The following NSUN6 variants were observed in gnomAD, a reference collection of about 807,000 sequenced individuals.
NSUN6 encodes tRNA (cytosine(72)-C(5))-methyltransferase NSUN6.
NSUN6 carries 64 observed loss-of-function variants against 58.0 expected under a neutral mutation model. The observed-to-expected ratio is 1.10, with a 90% CI of 0.90 to 1.36. The LOEUF (loss-of-function observed/expected upper bound fraction) is 1.36. Ranked by LOEUF, NSUN6 falls within the 40% of genes most tolerant of loss-of-function variation. The pLI, the probability that NSUN6 is intolerant of heterozygous loss-of-function variation, is 0.00. For synonymous variants in NSUN6, 231 were observed against 193.9 expected, an observed-to-expected ratio of 1.19 and a Z score of -1.59; for missense variants, 701 against 550.1, an observed-to-expected ratio of 1.27 and a Z score of -2.74.
chr10:18,653,194 A>G, upstream of NSUN6: 1 of 984,630 alleles, frequency 1.0e-6, no homozygotes. Context: ...AAGGATAGAG[A>G]CTTTATCACA....
intron 10 of NSUN6, among the ~76,000 whole-genome samples, chr10:18,547,235 A>G (rs1434065555): frequency 6.6e-6 from 1 of 152,224 alleles, no homozygotes; most frequent in Non-Finnish European, 1.5e-5. Context: ...CATGTTAATG[A>G]AGATAGGTTT....
upstream of NSUN6, chr10:18,652,752 G>A: frequency 5.0e-6 from 2 of 402,968 alleles, no homozygotes; most frequent in South Asian, 2.1e-4. Flanking sequence ...TAGAGACGGG[G>A]TTTCACCATG....
chr10:18,596,425 C>T (rs1246654515), intron 6 of NSUN6, 98 bp from the exon 7 acceptor site: 2 of 723,976 alleles, frequency 2.8e-6, no homozygotes, highest in East Asian at 5.2e-5. Context: ...TAATCCACTA[C>T]AGCATCCTCA....
intron 3 of NSUN6, among the ~76,000 whole-genome samples, chr10:18,637,179 T>A (rs2059245871): frequency 1.3e-5 from 2 of 151,996 alleles, no homozygotes; most frequent in Admixed American, 1.3e-4. Flanking sequence ...CTCAGGCTGG[T>A]CTAAAACTCC....
chr10:18,613,315 T>G (rs2058301267), intron 5 of NSUN6, among the ~76,000 whole-genome samples: 1 of 152,132 alleles, frequency 6.6e-6, no homozygotes, highest in African/African-American at 2.4e-5. Flanking sequence ...CAGGCTGGTC[T>G]CGAACTCCTG....
At chr10:18,578,990 T>C (rs2056787447) in intron 8 of NSUN6, among the ~76,000 whole-genome samples, 2 of 152,160 alleles carry the variant, frequency 1.3e-5, no homozygotes, top group South Asian at 4.1e-4. Flanking sequence ...GATAATTATA[T>C]AGACATTAAA....
chr10:18,545,742 G>A lies in NSUN6; in HGVS notation c.*191C>T. ...AAAAAAAAAAAATCTTTTAAAAACAGAAAATATAATCTCATACCACCCCCT... is the reference window on the plus strand; with the variant it reads ...AAAAAAAAAAAATCTTTTAAAAACAAAAAATATAATCTCATACCACCCCCT... On this transcript the variant is annotated 3_prime_UTR_variant, in exon 11 of 11. Transcript: ENST00000377304. 2 of 513,660 alleles carry A rather than the reference G, an allele frequency of 3.9e-6. No homozygotes were observed. The highest frequency in any genetic ancestry group is 6.7e-6 in the Non-Finnish European group (2 of 297,944). The allele number at this position is 513,660 out of a possible 1,614,324, so 31.8% of individuals were successfully genotyped here.
At chr10:18,622,541 C>G (rs1483288554) in intron 3 of NSUN6, among the ~76,000 whole-genome samples, 2 of 152,208 alleles carry the variant, frequency 1.3e-5, no homozygotes, top group African/African-American at 2.4e-5. Context: ...TGGTGAAACC[C>G]TGTCTCTACT....
At chr10:18,658,742 C>T, upstream of NSUN6, 1 of 614,680 alleles carries the variant, frequency 1.6e-6, no homozygotes, top group East Asian at 1.4e-4. Context: ...GGTGGCTGAG[C>T]CTGCAATCCC....
At chr10:18,585,845 T>A in intron 8 of NSUN6, 104 bp downstream of exon 8, 1 of 827,566 alleles carries the variant, frequency 1.2e-6, no homozygotes, top group Non-Finnish European at 1.9e-6. Flanking sequence ...CTTGTTTTAA[T>A]CATTCCACAT....
intron 6 of NSUN6, among the ~76,000 whole-genome samples, chr10:18,603,692 G>C (rs1388292013): frequency 6.6e-6 from 1 of 151,970 alleles, no homozygotes; most frequent in Non-Finnish European, 1.5e-5. Flanking sequence ...GGCTGCGCTG[G>C]TCTCAAACTC....
At chr10:18,633,501 G>A (rs952791335) in intron 3 of NSUN6, among the ~76,000 whole-genome samples, 7 of 152,006 alleles carry the variant, frequency 4.6e-5, no homozygotes, top group African/African-American at 1.4e-4. Flanking sequence ...CTATAATCCC[G>A]ATGATGAGAA....
chr10:18,617,301 C>T (rs890688802), intron 3 of NSUN6, among the ~76,000 whole-genome samples: 1 of 151,318 alleles, frequency 6.6e-6, no homozygotes, highest in Non-Finnish European at 1.5e-5. Flanking sequence ...GATTCTCATG[C>T]CTCAGCCTCC....
chr10:18,552,853 T>A (rs553758936), intron 8 of NSUN6, among the ~76,000 whole-genome samples: 2 of 151,818 alleles, frequency 1.3e-5, no homozygotes, highest in South Asian at 4.2e-4. Flanking sequence ...TACACTACAC[T>A]GCATTCCACA....
intron 7 of NSUN6, among the ~76,000 whole-genome samples, chr10:18,591,149 A>C (rs2131163308): frequency 6.6e-6 from 1 of 152,322 alleles, no homozygotes; most frequent in African/African-American, 2.4e-5. Flanking sequence ...GAAATGGATA[A>C]ATTCCTGGAC....
At chr10:18,626,445 C>T (rs1428523015) in intron 3 of NSUN6, among the ~76,000 whole-genome samples, 7 of 152,134 alleles carry the variant, frequency 4.6e-5, no homozygotes, top group South Asian at 4.1e-4. Context: ...CTCCAGTAAT[C>T]TCCTCATTTC....
chr10:18,631,608 C>T (rs1413024817), intron 3 of NSUN6, among the ~76,000 whole-genome samples: 4 of 139,132 alleles, frequency 2.9e-5, no homozygotes, highest in Non-Finnish European at 4.6e-5. Flanking sequence ...TATACACCAA[C>T]AACAGACAAA....
At chr10:18,585,497 G>C (rs1466257841) in intron 8 of NSUN6, among the ~76,000 whole-genome samples, 2 of 152,146 alleles carry the variant, frequency 1.3e-5, no homozygotes, top group Non-Finnish European at 2.9e-5. Flanking sequence ...TATGTTGTTT[G>C]CAACAAAATA....
rs751697059 is a variant in NSUN6 at position 18,609,877 on chromosome 10, C to G, written c.625G>C (p.Asp209His). ...TEPVYLSPSF[D>H]SVLPRYLFLQ... Reference sequence around the variant, plus strand: ...AATAAGTAACGGGGCAGTACACTGTCAAATGAAGGGCTGAGATATACTGGT... The same window carrying G: ...AATAAGTAACGGGGCAGTACACTGTGAAATGAAGGGCTGAGATATACTGGT... The change falls in exon 6 of 11, where the codon GAC becomes CAC. Residue 209 changes from aspartate (D) to histidine (H), a missense_variant. Physicochemically the swap from Asp to His is moderately conservative, Grantham distance 81. Transcript: ENST00000377304. The G allele has an allele frequency of 1.9e-6, 3 of 1,604,890 alleles. No homozygotes were observed. The highest frequency in any genetic ancestry group is 1.7e-4 in the Middle Eastern group (1 of 6,024).
Sources: gnomAD v4.1 joint callset for allele counts (sites outside exome capture counted in the v4.1 genomes callset) on GRCh38, gnomAD v4.1.1 for gene constraint, MANE v1.5 for transcripts, NCBI Gene and HGNC (gene_info 2026-07-23, HGNC 2026-07-21) for gene names.